The following GRIA4 variants were observed in gnomAD, a reference collection of about 807,000 sequenced individuals.
The protein encoded by GRIA4 is glutamate ionotropic receptor AMPA type subunit 4.
GRIA4 carries 34 observed loss-of-function variants against 104.0 expected under a neutral mutation model. The ratio of observed to expected loss-of-function variants is 0.33; its 90% CI spans 0.25 to 0.44. The LOEUF (loss-of-function observed/expected upper bound fraction) is 0.44, where lower values mean the gene tolerates loss of function less well. GRIA4 is among the 20% of genes least tolerant of loss of function. The pLI is 1.00. For synonymous variants in GRIA4, 386 were observed against 381.9 expected (o/e 1.01, Z -0.13); for missense variants, 750 against 1,096.5 (o/e 0.68, Z 4.46).
At chr11:105,874,226 T>C (rs1308143866) in intron 5 of GRIA4, among the ~76,000 whole-genome samples, 1 of 152,202 alleles carries the variant, frequency 6.6e-6, no homozygotes, top group East Asian at 1.9e-4. Context: ...CAGATGGTTG[T>C]AGATGTATGG....
chr11:105,738,934 A>C (rs544856427), intron 3 of GRIA4, among the ~76,000 whole-genome samples: 77 of 117,728 alleles, frequency 6.5e-4, no homozygotes, highest in African/African-American at 1.4e-3. Flanking sequence ...AAAAAACAAA[A>C]AAAAAAAAAA....
rs1347610435 is a variant in GRIA4 at position 105,738,958 on chromosome 11, A to C, written c.248-14023A>C. Among the ~76,000 whole-genome samples the C allele has an allele frequency of 7.9e-5, 12 of 151,450 alleles. 1 individual carries two copies. Among genetic ancestry groups the C allele is most frequent in the African/African-American group, 2.7e-4 (11 of 41,328 alleles). On this transcript the variant is annotated intron_variant, in intron 3 of 16. Transcript: ENST00000282499. ...AAAAAAAAAAAACAAAAAAAACCCA[A>C]AAAAAAACCCAAATGCACCTGTTTT... is the stretch of plus-strand genomic sequence containing the variant.
intron 4 of GRIA4, among the ~76,000 whole-genome samples, chr11:105,847,524 C>T (rs1944644057): frequency 6.6e-6 from 1 of 152,178 alleles, no homozygotes; most frequent in East Asian, 1.9e-4. Context: ...TTCAAGAATA[C>T]ATTTAATGAG....
At chr11:105,714,485 T>C (rs1392492222) in intron 3 of GRIA4, among the ~76,000 whole-genome samples, 2 of 152,134 alleles carry the variant, frequency 1.3e-5, no homozygotes, top group Non-Finnish European at 2.9e-5. Flanking sequence ...AAAGTAACTA[T>C]GACCTCAACG....
intron 6 of GRIA4, among the ~76,000 whole-genome samples, chr11:105,897,091 G>C (rs759456449): frequency 6.6e-6 from 1 of 152,092 alleles, no homozygotes; most frequent in Non-Finnish European, 1.5e-5. Flanking sequence ...TATTTCATCA[G>C]TGTTTGGTAG....
intron 5 of GRIA4, among the ~76,000 whole-genome samples, chr11:105,871,840 T>C (rs1945628697): frequency 6.6e-6 from 1 of 152,116 alleles, no homozygotes; most frequent in African/African-American, 2.4e-5. Context: ...TATTGAAGAT[T>C]ACTTCCAAAA....
intron 3 of GRIA4, among the ~76,000 whole-genome samples, chr11:105,684,403 G>A (rs1257859447): frequency 6.6e-6 from 1 of 151,814 alleles, no homozygotes; most frequent in Non-Finnish European, 1.5e-5. Flanking sequence ...CATTTGTTTA[G>A]ATGAATGAGT....
intron 4 of GRIA4, among the ~76,000 whole-genome samples, chr11:105,834,683 G>A (rs1198730135): frequency 1.4e-5 from 2 of 145,882 alleles, no homozygotes; most frequent in African/African-American, 2.5e-5. Flanking sequence ...GGTTTCAGAT[G>A]TAAGTATTAC....
chr11:105,614,511 G>C (rs1233234203), intron 3 of GRIA4: 2 of 151,876 alleles, frequency 1.3e-5, no homozygotes, highest in Non-Finnish European at 2.9e-5. Flanking sequence ...CGTAGAGTAT[G>C]TTATTCCTTA....
chr11:105,877,731 T>A (rs182726790), intron 5 of GRIA4, among the ~76,000 whole-genome samples: 1 of 152,340 alleles, frequency 6.6e-6, no homozygotes, highest in Admixed American at 6.5e-5. Flanking sequence ...CTTCACGAAG[T>A]TCTCATGCTG....
chr11:105,911,806 A>G (rs41302411), intron 10 of GRIA4: 9,175 of 284,952 alleles, frequency 0.032, 679 homozygotes, highest in Admixed American at 0.094. Flanking sequence ...ATATATATAT[A>G]TATGTTTCTT....
intron 5 of GRIA4, among the ~76,000 whole-genome samples, chr11:105,873,631 G>T (rs1326371771): frequency 6.6e-6 from 1 of 152,054 alleles, no homozygotes; most frequent in Non-Finnish European, 1.5e-5. Flanking sequence ...GCATGAGATG[G>T]TATCTCATTG....
At chr11:105,737,040 T>C (rs1938999647) in intron 3 of GRIA4, among the ~76,000 whole-genome samples, 1 of 152,140 alleles carries the variant, frequency 6.6e-6, no homozygotes, top group Non-Finnish European at 1.5e-5. Flanking sequence ...TTTTATTGGA[T>C]AGCATTCTAT....
At chr11:105,875,680 G>A (rs180881666) in intron 5 of GRIA4, among the ~76,000 whole-genome samples, 15 of 152,198 alleles carry the variant, frequency 9.9e-5, no homozygotes, top group Non-Finnish European at 1.8e-4. Context: ...ATTTCTTCTC[G>A]ATGTTCTAGT....
intron 11 of GRIA4, among the ~76,000 whole-genome samples, chr11:105,921,309 GTGT>G (rs1565343484): frequency 8.0e-5 from 8 of 99,678 alleles, no homozygotes; most frequent in African/African-American, 2.4e-4. Flanking sequence ...ACACTTGGGT[GTGT>G]GTGTGTGTGT....
In GRIA4 at chr11:105,862,040, A is replaced by G. The variant is rs776045773; in HGVS notation, c.504A>G (p.Gln168=). ...YDTDRGYSIL[Q]AIMEKAGQNG... is the part of the protein sequence containing the mutation. Reference sequence around the variant, plus strand: ...CCCCAATAGGATACTCGATACTCCAAGCTATTATGGAAAAAGCAGGACAAA... The same window carrying G: ...CCCCAATAGGATACTCGATACTCCAGGCTATTATGGAAAAAGCAGGACAAA... Residue 168 remains glutamine, a synonymous_variant, in exon 5 of 17, where the codon CAA becomes CAG. Transcript: ENST00000282499. The G allele has an allele frequency of 4.3e-6, 7 of 1,610,146 alleles. No individual in the cohort carries two copies. The Admixed American group carries it at 1.0e-4, about 23-fold the overall frequency.
chr11:105,720,929 CA>C (rs1937764880), intron 3 of GRIA4, among the ~76,000 whole-genome samples: 1 of 152,134 alleles, frequency 6.6e-6, no homozygotes, highest in African/African-American at 2.4e-5. Context: ...CCATGGCCCC[CA>C]GACTTTATCT....
At chr11:105,827,694 C>G (rs1186090285) in intron 4 of GRIA4, among the ~76,000 whole-genome samples, 1 of 151,968 alleles carries the variant, frequency 6.6e-6, no homozygotes, top group African/African-American at 2.4e-5. Flanking sequence ...TGCAGTATAA[C>G]TGCTGATTAT....
chr11:105,669,039 C>T (rs1191901771), intron 3 of GRIA4, among the ~76,000 whole-genome samples: 1 of 151,888 alleles, frequency 6.6e-6, no homozygotes, highest in East Asian at 1.9e-4. Flanking sequence ...GAGTGCATAC[C>T]TTTCAGCAGT....
Sources: gnomAD v4.1 joint callset for allele counts (sites outside exome capture counted in the v4.1 genomes callset) on GRCh38, gnomAD v4.1.1 for gene constraint, MANE v1.5 for transcripts, NCBI Gene and HGNC (gene_info 2026-07-23, HGNC 2026-07-21) for gene names.